The following DNAH11 variants were observed in gnomAD, a reference collection of about 807,000 sequenced individuals.
DNAH11 encodes the protein dynein axonemal heavy chain 11.
Under a neutral mutation model 526.0 loss-of-function variants are expected in DNAH11, and 442 were observed. That is an observed-to-expected ratio of 0.84 (90% CI 0.78 to 0.91). The LOEUF (loss-of-function observed/expected upper bound fraction) is 0.91. Ranked by LOEUF, DNAH11 falls within the 40% of genes least tolerant of loss-of-function variation. The pLI is 0.00. For synonymous variants in DNAH11, 2,461 were observed against 1,935.9 expected (o/e 1.27, Z -7.12); for missense variants, 6,989 against 5,448.7 (o/e 1.28, Z -8.90).
chr7:21,760,825 T>G (rs997203498), intron 54 of DNAH11, among the ~76,000 whole-genome samples: 7 of 150,704 alleles, frequency 4.6e-5, no homozygotes, highest in Non-Finnish European at 2.9e-5. Context: ...GTGTAGCCCT[T>G]ATTGGTGTAT....
chr7:21,800,837 G>A (rs1460913827), intron 61 of DNAH11, among the ~76,000 whole-genome samples: 2 of 152,216 alleles, frequency 1.3e-5, no homozygotes, highest in East Asian at 3.9e-4. Flanking sequence ...GTGCACCCAC[G>A]GCGTATTTGC....
At chr7:21,683,337 C>CAG (rs1783219594) in intron 31 of DNAH11, among the ~76,000 whole-genome samples, 1 of 152,130 alleles carries the variant, frequency 6.6e-6, no homozygotes, top group Non-Finnish European at 1.5e-5. Context: ...AAAAACAAAG[C>CAG]AGAAAATCTC....
intron 12 of DNAH11, among the ~76,000 whole-genome samples, chr7:21,590,048 G>C (rs966500253): frequency 1.3e-5 from 2 of 151,968 alleles, no homozygotes; most frequent in Non-Finnish European, 2.9e-5. Flanking sequence ...TTATTGAACA[G>C]GTCTTTTGTT....
chr7:21,850,994 G>GA (rs1351877874), intron 66 of DNAH11, among the ~76,000 whole-genome samples: 27 of 152,286 alleles, frequency 1.8e-4, no homozygotes, highest in Non-Finnish European at 2.9e-4. Context: ...TAGGAGCTGT[G>GA]AATCACTGGG....
chr7:21,798,754 A>G (rs1404807338), intron 61 of DNAH11, among the ~76,000 whole-genome samples: 1 of 152,178 alleles, frequency 6.6e-6, no homozygotes, highest in Non-Finnish European at 1.5e-5. Context: ...ACCTCAACAG[A>G]TTGAATGCAA....
chr7:21,653,855 A>G (rs1781892948), intron 28 of DNAH11, among the ~76,000 whole-genome samples: 1 of 152,232 alleles, frequency 6.6e-6, no homozygotes, highest in Admixed American at 6.5e-5. Flanking sequence ...TGAAAGCTTT[A>G]AAGATTAAAT....
chr7:21,554,427 G>A (rs554729194), intron 2 of DNAH11, among the ~76,000 whole-genome samples: 8 of 152,068 alleles, frequency 5.3e-5, no homozygotes, highest in South Asian at 4.2e-4. Context: ...TACCCATCTC[G>A]GCCTCCCAGC....
At chr7:21,877,179 C>A (rs899075361) in intron 74 of DNAH11, among the ~76,000 whole-genome samples, 1 of 152,222 alleles carries the variant, frequency 6.6e-6, no homozygotes, top group Non-Finnish European at 1.5e-5. Flanking sequence ...GAGGTTTAGA[C>A]AAGTCAACTG....
At chr7:21,614,930 A>G (rs541035541) in intron 20 of DNAH11, among the ~76,000 whole-genome samples, 184 bp from the exon 21 acceptor site, 1 of 152,278 alleles carries the variant, frequency 6.6e-6, no homozygotes, top group South Asian at 2.1e-4. Context: ...ATCTGTTCTC[A>G]CTTTTTGTGC....
At chr7:21,743,661 A>G (rs1052972641) in intron 49 of DNAH11, among the ~76,000 whole-genome samples, 4 of 152,182 alleles carry the variant, frequency 2.6e-5, no homozygotes, top group African/African-American at 4.8e-5. Flanking sequence ...GTGTCTGTGT[A>G]TCTAGCTCCT....
At position 21,707,680 on chromosome 7, in the gene DNAH11, C is replaced by T; in HGVS notation, c.6547-19C>T. 2 of 1,598,026 alleles carry T rather than the reference C, an allele frequency of 1.3e-6. No individual in the cohort carries two copies. The highest frequency in any genetic ancestry group is 1.4e-5 in the African/African-American group (1 of 74,062). On this transcript the variant is annotated intron_variant, in intron 39 of 81. Transcript: ENST00000409508. ...TATGTTAGTATTAATTTTTTTGGCT[C>T]TTTCCTCCTTCCCCTCAGATTTTGA... is the stretch of plus-strand genomic sequence containing the variant.
intron 66 of DNAH11, among the ~76,000 whole-genome samples, 200 bp downstream of exon 66, chr7:21,842,948 C>T (rs954124136): frequency 1.3e-5 from 2 of 152,060 alleles, no homozygotes; most frequent in African/African-American, 2.4e-5. Context: ...TTATGCCACA[C>T]GTAGGAGATA....
At chr7:21,646,329 C>G (rs1337085846) in intron 28 of DNAH11, among the ~76,000 whole-genome samples, 3 of 152,166 alleles carry the variant, frequency 2.0e-5, no homozygotes, top group Non-Finnish European at 4.4e-5. Context: ...CAGCAGCTTT[C>G]TAGACGCTGG....
At chr7:21,647,428 T>C (rs1018892063) in intron 28 of DNAH11, among the ~76,000 whole-genome samples, 4 of 37,296 alleles carry the variant, frequency 1.1e-4, no homozygotes, top group Non-Finnish European at 3.0e-4. Context: ...TCTTTCTTTC[T>C]TTTTTTTTTT....
At chr7:21,663,779 A>G (rs931873464) in intron 30 of DNAH11, among the ~76,000 whole-genome samples, 5 of 150,210 alleles carry the variant, frequency 3.3e-5, no homozygotes, top group African/African-American at 1.2e-4. Context: ...TTAAAGACAC[A>G]ATAGTATTTC....
At chr7:21,720,189 G>T (rs1032833813) in intron 43 of DNAH11, among the ~76,000 whole-genome samples, 1 of 152,164 alleles carries the variant, frequency 6.6e-6, no homozygotes, top group Non-Finnish European at 1.5e-5. Context: ...TTATGACAAC[G>T]GGTGGGAAAC....
At chr7:21,589,169 A>G in intron 11 of DNAH11, 39 bp from the exon 12 acceptor site, 1 of 1,449,516 alleles carries the variant, frequency 6.9e-7, no homozygotes, top group East Asian at 2.4e-5. Flanking sequence ...AATCTATCTA[A>G]TATACGTATA....
chr7:21,723,737 CA>C (rs1370388243), intron 44 of DNAH11, among the ~76,000 whole-genome samples: 2 of 151,220 alleles, frequency 1.3e-5, no homozygotes, highest in Non-Finnish European at 2.9e-5. Context: ...CCCACTCCCC[CA>C]CTCCCCCACC....
intron 68 of DNAH11, among the ~76,000 whole-genome samples, chr7:21,861,650 A>C (rs1783067528): frequency 6.6e-6 from 1 of 152,242 alleles, no homozygotes. Flanking sequence ...AATGGATTTC[A>C]TGGAATCATA....
Sources: gnomAD v4.1 joint callset for allele counts (sites outside exome capture counted in the v4.1 genomes callset) on GRCh38, gnomAD v4.1.1 for gene constraint, MANE v1.5 for transcripts, NCBI Gene and HGNC (gene_info 2026-07-23, HGNC 2026-07-21) for gene names.